The following VKORC1L1 variants were observed in gnomAD, a reference collection of about 807,000 sequenced individuals.
The protein encoded by VKORC1L1 is vitamin K epoxide reductase complex subunit 1-like protein 1.
A neutral mutation model predicts 18.9 loss-of-function variants in VKORC1L1; 2 were observed. The ratio of observed to expected loss-of-function variants is 0.11; its 90% confidence interval spans 0.04 to 0.33. VKORC1L1 has a LOEUF of 0.33. VKORC1L1 is among the 10% of genes least tolerant of loss of function. VKORC1L1 has a pLI of 1.00. For synonymous variants in VKORC1L1, 96 were observed against 100.0 expected (o/e 0.96, Z 0.24); for missense variants, 123 against 224.1 (o/e 0.55, Z 2.88).
rs1790262253 is a variant in VKORC1L1, at chr7:65,954,445, A to ATTT, written c.*145_*146insTTT. 1 of 1,316,368 alleles carries ATTT rather than the reference A, an allele frequency of 7.6e-7. No individual in the cohort carries two copies. The highest frequency in any genetic ancestry group is 9.9e-7 in the Non-Finnish European group (1 of 1,006,196). 81.5% of individuals were successfully genotyped at this position (1,316,368 alleles called of 1,614,324 possible). A position where few individuals can be genotyped will look rare whatever the true frequency, so the allele number is the denominator to read the frequency against. ...CAAACTGATTTTTAAAAATCCGGTA[A>ATTT]ATTAGAAGGGGCCCTCGCTATTTTC... On this transcript the variant is annotated 3_prime_UTR_variant, in exon 3 of 3. Transcript: ENST00000360768.
In VKORC1L1 at chr7:65,945,591, G is replaced by A. The variant is rs554376860; in HGVS notation, c.195-3080G>A. ...CGCGCCACTGCACTCCAGCCTGGGCGACACGAATGAGACTCCGTCTCAAAA... is the reference window on the plus strand; with the variant it reads ...CGCGCCACTGCACTCCAGCCTGGGCAACACGAATGAGACTCCGTCTCAAAA... On this transcript the variant is annotated intron_variant, in intron 1 of 2. Transcript: ENST00000360768. Among the ~76,000 whole-genome samples, 36 of 151,826 alleles carry A rather than the reference G, an allele frequency of 2.4e-4. 1 individual carries two copies. The highest frequency in any genetic ancestry group is 7.5e-4 in the African/African-American group (31 of 41,350).
intron 1 of VKORC1L1, among the ~76,000 whole-genome samples, chr7:65,875,128 A>C (rs1295878625): frequency 3.3e-5 from 5 of 152,194 alleles, no homozygotes; most frequent in Admixed American, 1.3e-4. Flanking sequence ...GCTAATAAGA[A>C]GAGTAGATAA....
intron 1 of VKORC1L1, among the ~76,000 whole-genome samples, chr7:65,878,283 TA>T (rs1788864467): frequency 2.0e-5 from 3 of 151,712 alleles, no homozygotes; most frequent in Admixed American, 6.6e-5. Flanking sequence ...CCTTGTCTAC[TA>T]AAAATACAAA....
intron 1 of VKORC1L1, among the ~76,000 whole-genome samples, chr7:65,912,766 CAAA>C (rs1195482070): frequency 1.3e-5 from 2 of 151,966 alleles, no homozygotes. Flanking sequence ...ACAATTGAAA[CAAA>C]GTACTAGAAA....
rs761968639 is a variant in VKORC1L1 at position 65,954,075 on chromosome 7, C to T, written c.306C>T (p.Gly102=). ...GAGCCTGCGTCTCTTCTCTTACAGG[C>T]ATGACAGCAAGCGCTGTGGCGGCTT... ...LIFYILQLLL[G]MTASAVAALI... is the part of the protein sequence containing the mutation. Residue 102 remains glycine, a splice_region_variant and synonymous_variant, in exon 3 of 3, where the codon GGC becomes GGT. Coordinates refer to ENST00000360768, the MANE Select transcript of VKORC1L1 (RefSeq NM_173517.6). 1 of 1,593,098 alleles carries T rather than the reference C, an allele frequency of 6.3e-7. No homozygotes were observed. Among genetic ancestry groups the T allele is most frequent in the East Asian group, 2.3e-5 (1 of 44,406 alleles).
At chr7:65,950,164 A>G (rs1790189562) in intron 2 of VKORC1L1, among the ~76,000 whole-genome samples, 1 of 151,624 alleles carries the variant, frequency 6.6e-6, no homozygotes, top group Non-Finnish European at 1.5e-5. Context: ...TATTACTTTA[A>G]TTTTTACTCT....
At chr7:65,915,483 T>G (rs1226805497) in intron 1 of VKORC1L1, among the ~76,000 whole-genome samples, 1 of 151,076 alleles carries the variant, frequency 6.6e-6, no homozygotes, top group Non-Finnish European at 1.5e-5. Context: ...CGATCTCTCC[T>G]CACTGCAACC....
intron 1 of VKORC1L1, among the ~76,000 whole-genome samples, chr7:65,911,208 CA>C (rs1789496722): frequency 1.3e-5 from 2 of 152,188 alleles, no homozygotes; most frequent in South Asian, 4.1e-4. Context: ...GCTGCAAAAT[CA>C]ACTGAAGCTT....
rs376900714 is a variant in VKORC1L1 at position 65,905,922 on chromosome 7, C to G, written c.194+32357C>G. Among the ~76,000 whole-genome samples, 8 of 152,276 alleles carry G rather than the reference C, an allele frequency of 5.3e-5. No homozygotes were observed. In the East Asian group the frequency reaches 7.7e-4, roughly 15 times the overall value. Reference sequence around the variant, plus strand: ...AATCTTTGAAATTCTATCAAAATCTCTTTGCCTTAAATTTGGCTAAAACAT... The same window carrying G: ...AATCTTTGAAATTCTATCAAAATCTGTTTGCCTTAAATTTGGCTAAAACAT... On this transcript the variant is annotated intron_variant, in intron 1 of 2. Transcript: ENST00000360768.
At chr7:65,869,379 A>C (rs191841089), upstream of VKORC1L1, among the ~76,000 whole-genome samples, 351 of 152,304 alleles carry the variant, frequency 2.3e-3, 2 homozygotes, top group Admixed American at 0.021. Flanking sequence ...AACTTGTTGC[A>C]GCCACCTTGG....
chr7:65,956,419 C>G lies in VKORC1L1; in HGVS notation c.*2119C>G, dbSNP rs970417498. On this transcript the variant is annotated 3_prime_UTR_variant, in exon 3 of 3. Coordinates refer to ENST00000360768, the MANE Select transcript of VKORC1L1 (RefSeq NM_173517.6). Reference sequence around the variant, plus strand: ...TCAACAGAGTATAGTTAAAGCTTGTCTTGATGTTGCATTCTTGCAAATGTC... The same window carrying G: ...TCAACAGAGTATAGTTAAAGCTTGTGTTGATGTTGCATTCTTGCAAATGTC... 1 of 152,192 alleles carries G rather than the reference C, an allele frequency of 6.6e-6. No individual in the cohort carries two copies. Among genetic ancestry groups the G allele is most frequent in the Non-Finnish European group, 1.5e-5 (1 of 68,044 alleles). 9.4% of individuals were successfully genotyped at this position (152,192 alleles called of 1,614,324 possible). A position where few individuals can be genotyped will look rare whatever the true frequency, so the allele number is the denominator to read the frequency against.
chr7:65,903,249 C>T (rs1172467786), intron 1 of VKORC1L1, among the ~76,000 whole-genome samples: 1 of 151,540 alleles, frequency 6.6e-6, no homozygotes, highest in African/African-American at 2.4e-5. Flanking sequence ...TCACTGCAAC[C>T]TCTGCCTCCT....
At chr7:65,939,107 C>T (rs2115694942) in intron 1 of VKORC1L1, among the ~76,000 whole-genome samples, 1 of 152,280 alleles carries the variant, frequency 6.6e-6, no homozygotes, top group Non-Finnish European at 1.5e-5. Flanking sequence ...TTATTTTGAA[C>T]AGGATAGGAA....
chr7:65,871,883 A>C (rs1279628766), upstream of VKORC1L1, among the ~76,000 whole-genome samples: 1 of 152,138 alleles, frequency 6.6e-6, no homozygotes, highest in Non-Finnish European at 1.5e-5. Flanking sequence ...GGGAAAAAAA[A>C]GTTTATTGTT....
intron 1 of VKORC1L1, among the ~76,000 whole-genome samples, chr7:65,927,748 G>T (rs1789789750): frequency 6.6e-6 from 1 of 152,146 alleles, no homozygotes; most frequent in South Asian, 2.1e-4. Context: ...GCATTTTATT[G>T]TAGCCCACCA....
chr7:65,949,992 A>G (rs1255922918), intron 2 of VKORC1L1, among the ~76,000 whole-genome samples: 1 of 152,178 alleles, frequency 6.6e-6, no homozygotes, highest in African/African-American at 2.4e-5. Flanking sequence ...GATATTTTCA[A>G]TTTTAATCAG....
intron 1 of VKORC1L1, among the ~76,000 whole-genome samples, chr7:65,929,104 T>C (rs1334098983): frequency 6.6e-6 from 1 of 152,148 alleles, no homozygotes; most frequent in Non-Finnish European, 1.5e-5. Flanking sequence ...TGGTTCAGTT[T>C]TTAAGAGTTT....
chr7:65,954,604 T>C lies in VKORC1L1; in HGVS notation c.*304T>C. 2.4e-6 allele frequency: 1 copy of C among 422,628 alleles called. No individual in the cohort carries two copies. Among genetic ancestry groups the C allele is most frequent in the Non-Finnish European group, 4.1e-6 (1 of 243,970 alleles). The allele number at this position is 422,628 out of a possible 1,614,324, so 26.2% of individuals were successfully genotyped here. On this transcript the variant is annotated 3_prime_UTR_variant, in exon 3 of 3. Transcript: ENST00000360768. ...TAGCCCCCTGCCCTCAATTGTAAAGTGAGCAACCATTGCTAGTAATTCTTT... is the reference window on the plus strand; with the variant it reads ...TAGCCCCCTGCCCTCAATTGTAAAGCGAGCAACCATTGCTAGTAATTCTTT...
chr7:65,884,767 T>C (rs1788985422), intron 1 of VKORC1L1, among the ~76,000 whole-genome samples: 1 of 152,250 alleles, frequency 6.6e-6, no homozygotes. Context: ...CAATATGATA[T>C]ATGAAAATTG....
Sources: gnomAD v4.1 joint callset for allele counts (sites outside exome capture counted in the v4.1 genomes callset) on GRCh38, gnomAD v4.1.1 for gene constraint, MANE v1.5 for transcripts, NCBI Gene and HGNC (gene_info 2026-07-23, HGNC 2026-07-21) for gene names.